Variants in ZNF469 observed in about 807,000 individuals in gnomAD.
ZNF469 encodes zinc finger protein 469.
ZNF469 carries 1 observed loss-of-function variant against 1.0 expected under a neutral mutation model. That is an observed-to-expected ratio of 1.00 (90% CI 0.35 to 4.73). The LOEUF is 4.73. Among genes scored for constraint, ZNF469 ranks in the 30% most tolerant of loss-of-function variants. The pLI is 0.16. For missense variants in ZNF469, 6,100 were observed against 5,356.3 expected (o/e 1.14, Z -4.33); for synonymous variants, 2,703 against 2,363.4 (o/e 1.14, Z -4.17).
chr16:88,161,679 G>C, the ZNF469 span, among the ~76,000 whole-genome samples: 1 of 152,082 alleles, frequency 6.6e-6, no homozygotes, highest in Admixed American at 6.6e-5. Context: ...GTTATTCAAT[G>C]AATGTTGTGC....
chr16:88,216,360 G>C, the ZNF469 span, among the ~76,000 whole-genome samples: 9 of 152,046 alleles, frequency 5.9e-5, no homozygotes, highest in African/African-American at 1.4e-4. Context: ...CGGGCGCGGT[G>C]GTGGGTGCCT....
At chr16:88,306,961 CAGAA>C in the ZNF469 span, among the ~76,000 whole-genome samples, 1 of 152,322 alleles carries the variant, frequency 6.6e-6, no homozygotes, top group African/African-American at 2.4e-5. Flanking sequence ...TTTATCACTC[CAGAA>C]AGAAACTCCA....
chr16:88,296,440 AC>A, the ZNF469 span, among the ~76,000 whole-genome samples: 32 of 146,684 alleles, frequency 2.2e-4, no homozygotes, highest in Non-Finnish European at 2.6e-4. Flanking sequence ...ATGCACACTC[AC>A]AGACATGCTC....
chr16:88,289,010 T>C, the ZNF469 span, among the ~76,000 whole-genome samples: 7 of 152,026 alleles, frequency 4.6e-5, no homozygotes, highest in Non-Finnish European at 1.0e-4. Context: ...GTGGTGATGA[T>C]AATGACGATG....
the ZNF469 span, among the ~76,000 whole-genome samples, chr16:88,192,967 ATGGTAGTGATGG>A: frequency 6.9e-6 from 1 of 144,232 alleles, no homozygotes; most frequent in African/African-American, 2.6e-5. Flanking sequence ...GATGATGGTG[ATGGTAGTGATGG>A]TGGTGGTGAT....
intron 1 of ZNF469, among the ~76,000 whole-genome samples, chr16:88,417,074 G>C (rs1363108344): frequency 2.6e-5 from 4 of 152,234 alleles, no homozygotes; most frequent in African/African-American, 9.6e-5. Context: ...GGCACCGCCT[G>C]CCCTTTTCCA....
At chr16:88,296,038 T>A in the ZNF469 span, among the ~76,000 whole-genome samples, 4 of 152,208 alleles carry the variant, frequency 2.6e-5, no homozygotes, top group Non-Finnish European at 5.9e-5. Flanking sequence ...CTCTCGGCTC[T>A]GCAGAGGATA....
the ZNF469 span, among the ~76,000 whole-genome samples, chr16:88,354,643 A>T: frequency 6.6e-6 from 1 of 152,192 alleles, no homozygotes; most frequent in African/African-American, 2.4e-5. Flanking sequence ...CCCCAGCTCA[A>T]ATGGAATCGA....
the ZNF469 span, among the ~76,000 whole-genome samples, chr16:88,131,110 G>A: frequency 6.6e-6 from 1 of 152,192 alleles, no homozygotes; most frequent in African/African-American, 2.4e-5. Flanking sequence ...TGTTCAGATC[G>A]TCTCCTGGAA....
chr16:88,257,918 G>C, the ZNF469 span, among the ~76,000 whole-genome samples: 1 of 152,150 alleles, frequency 6.6e-6, no homozygotes. Flanking sequence ...CACTTCCTTG[G>C]CTCCAGAATG....
At chr16:88,248,871 TTGTC>T in the ZNF469 span, among the ~76,000 whole-genome samples, 1 of 152,110 alleles carries the variant, frequency 6.6e-6, no homozygotes, top group Non-Finnish European at 1.5e-5. Context: ...AGCTTTTCCT[TTGTC>T]TGGCAGGGAT....
In ZNF469 at chr16:88,430,115, G is replaced by A. The variant is rs1044488020; in HGVS notation, c.2645G>A (p.Gly882Glu). 7.7e-6 allele frequency: 12 copies of A among 1,549,910 alleles called. No homozygotes were observed. In the African/African-American group the frequency reaches 1.6e-4, roughly 21 times the overall value. ...EPSGPRGPSS[G>E]HPLKSKAGVT... is the part of the protein sequence containing the mutation. ...TCCGGCCCCAGAGGTCCCAGCTCCGGACACCCCCTTAAGAGCAAGGCGGGG... is the reference window on the plus strand; with the variant it reads ...TCCGGCCCCAGAGGTCCCAGCTCCGAACACCCCCTTAAGAGCAAGGCGGGG... Residue 882 changes from glycine (G) to glutamate (E), a missense_variant, in exon 3 of 3, where the codon GGA becomes GAA. Coordinates refer to ENST00000565624, the MANE Select transcript of ZNF469 (RefSeq NM_001367624.2).
At chr16:88,308,908 A>G in the ZNF469 span, among the ~76,000 whole-genome samples, 2 of 152,086 alleles carry the variant, frequency 1.3e-5, no homozygotes, top group African/African-American at 2.4e-5. Context: ...CCACATTTGC[A>G]TCAAGGCTAG....
the ZNF469 span, among the ~76,000 whole-genome samples, chr16:88,239,662 TTTTTGTATATATATATATATA>T: frequency 3.7e-3 from 357 of 95,372 alleles, 13 homozygotes; most frequent in African/African-American, 0.013. Flanking sequence ...TTATTTTTTT[TTTTTGTATATATATATATATA>T]TATATATATA....
the ZNF469 span, among the ~76,000 whole-genome samples, chr16:88,211,396 G>A: frequency 5.9e-5 from 9 of 152,368 alleles, no homozygotes; most frequent in African/African-American, 2.2e-4. Flanking sequence ...CCCATGCTGG[G>A]TCACGGACTC....
intron 1 of ZNF469, among the ~76,000 whole-genome samples, chr16:88,389,361 C>G (rs1031970550): frequency 6.6e-5 from 10 of 152,254 alleles, no homozygotes; most frequent in African/African-American, 2.2e-4. Flanking sequence ...CGGCTGAGCG[C>G]TGTTCTGCCC....
chr16:88,439,111 G>T lies in ZNF469; in HGVS notation c.11641G>T (p.Glu3881Ter). ...RPPPSEQRKA[E>*]PGHTQRKDRL... ...GCCACCATCAGAGCAGCGGAAGGCA[G>T]AGCCGGGCCACACACAGAGGAAGGA... The change falls in exon 3 of 3, where the codon GAG becomes TAG. Residue 3881 changes from glutamate (E) to a stop codon, truncating the protein, a stop_gained. Transcript: ENST00000565624. LOFTEE classifies it low-confidence loss of function (END_TRUNC). 1.9e-6 allele frequency: 3 copies of T among 1,550,974 alleles called. No homozygotes were observed. The highest frequency in any genetic ancestry group is 2.6e-6 in the Non-Finnish European group (3 of 1,146,982).
At chr16:88,203,860 C>G in the ZNF469 span, among the ~76,000 whole-genome samples, 1 of 152,166 alleles carries the variant, frequency 6.6e-6, no homozygotes, top group African/African-American at 2.4e-5. Context: ...GCATTTCCAA[C>G]AAAGCGACAC....
chr16:88,416,228 T>C (rs531336776), intron 1 of ZNF469, among the ~76,000 whole-genome samples: 9 of 152,178 alleles, frequency 5.9e-5, no homozygotes, highest in Non-Finnish European at 1.3e-4. Context: ...CGGTTTCTCA[T>C]GCAGAGACCT....
Sources: gnomAD v4.1 joint callset for allele counts (sites outside exome capture counted in the v4.1 genomes callset) on GRCh38, gnomAD v4.1.1 for gene constraint, MANE v1.5 for transcripts, NCBI Gene and HGNC (gene_info 2026-07-23, HGNC 2026-07-21) for gene names.